Variants in IL15 observed in about 807,000 individuals in gnomAD.
The protein encoded by IL15 is interleukin 15, also known as interleukin-15.
In IL15, 11 loss-of-function variants were observed where a neutral mutation model predicts 19.6. The observed-to-expected ratio is 0.56, with a 90% CI of 0.35 to 0.93. IL15 has a LOEUF of 0.93. Among genes scored for constraint, IL15 ranks in the 40% least tolerant of loss-of-function variants. The pLI, the probability that IL15 is intolerant of heterozygous loss-of-function variation, is 0.01. For missense variants in IL15, 197 were observed against 186.5 expected, an observed-to-expected ratio of 1.06 and a Z score of -0.33; for synonymous variants, 58 against 59.6, an observed-to-expected ratio of 0.97 and a Z score of 0.12.
In IL15 at chr4:141,719,451, C is replaced by A; in HGVS notation, c.-14C>A. 2 of 901,568 alleles carry A rather than the reference C, an allele frequency of 2.2e-6. No individual in the cohort carries two copies. The highest frequency in any genetic ancestry group is 1.8e-5 in the Admixed American group (1 of 56,940). The allele number at this position is 901,568 out of a possible 1,614,324, so 55.8% of individuals were successfully genotyped here. On this transcript the variant is annotated 5_prime_UTR_variant, in exon 3 of 8. Transcript: ENST00000320650. Reference sequence around the variant, plus strand: ...TCTTCTTCAATACTTAAGGATTTACCGTGGCTTTGAGTAATGAGAATTTCG... The same window carrying A: ...TCTTCTTCAATACTTAAGGATTTACAGTGGCTTTGAGTAATGAGAATTTCG...
At chr4:141,670,169 C>A (rs917929027) in intron 2 of IL15, among the ~76,000 whole-genome samples, 1 of 151,650 alleles carries the variant, frequency 6.6e-6, no homozygotes, top group Non-Finnish European at 1.5e-5. Flanking sequence ...CAGAAAATTT[C>A]TAATTTCATA....
chr4:141,672,130 A>G (rs1728195399), intron 2 of IL15, among the ~76,000 whole-genome samples: 1 of 152,212 alleles, frequency 6.6e-6, no homozygotes, highest in Admixed American at 6.5e-5. Flanking sequence ...GTTGTTTGTA[A>G]TCAAAGAAAT....
chr4:141,704,256 A>C (rs1729433514), intron 2 of IL15, among the ~76,000 whole-genome samples: 1 of 152,178 alleles, frequency 6.6e-6, no homozygotes, highest in South Asian at 2.1e-4. Flanking sequence ...CTTCACATGA[A>C]GGAATGTTGA....
At chr4:141,690,464 C>T (rs1369194703) in intron 2 of IL15, among the ~76,000 whole-genome samples, 1 of 152,226 alleles carries the variant, frequency 6.6e-6, no homozygotes, top group Non-Finnish European at 1.5e-5. Flanking sequence ...TATTAGTCAT[C>T]CTAGATTCTT....
intron 2 of IL15, among the ~76,000 whole-genome samples, chr4:141,680,076 G>A (rs1728483203): frequency 6.6e-6 from 1 of 152,138 alleles, no homozygotes; most frequent in Non-Finnish European, 1.5e-5. Flanking sequence ...CTATATATTT[G>A]CAATGATGCT....
intron 2 of IL15, among the ~76,000 whole-genome samples, chr4:141,666,101 T>TTTATTTA (rs1727967828): frequency 6.7e-6 from 1 of 149,412 alleles, no homozygotes; most frequent in Non-Finnish European, 1.5e-5. Context: ...TATTTATTTA[T>TTTATTTA]TTATTTATTT....
chr4:141,697,860 C>T (rs991799406), intron 2 of IL15, among the ~76,000 whole-genome samples: 4 of 151,926 alleles, frequency 2.6e-5, no homozygotes, highest in African/African-American at 7.3e-5. Context: ...CTGGTCAGGA[C>T]TTCCAGTACT....
At chr4:141,662,866 A>G (rs994403801) in intron 2 of IL15, among the ~76,000 whole-genome samples, 5 of 152,212 alleles carry the variant, frequency 3.3e-5, no homozygotes, top group Admixed American at 3.3e-4. Context: ...CTTAAAGAAG[A>G]ATAAAAACTT....
At chr4:141,667,802 T>A (rs894201562) in intron 2 of IL15, among the ~76,000 whole-genome samples, 1 of 152,240 alleles carries the variant, frequency 6.6e-6, no homozygotes, top group East Asian at 1.9e-4. Context: ...CTAATGTATA[T>A]AATACTTTGA....
intron 2 of IL15, among the ~76,000 whole-genome samples, chr4:141,678,703 G>A (rs1269956251): frequency 6.6e-6 from 1 of 151,186 alleles, no homozygotes; most frequent in Non-Finnish European, 1.5e-5. Context: ...CTGGGTTCAA[G>A]TGATTCTCCT....
At chr4:141,661,438 C>T (rs1185798290) in intron 2 of IL15, among the ~76,000 whole-genome samples, 1 of 151,926 alleles carries the variant, frequency 6.6e-6, no homozygotes, top group Admixed American at 6.6e-5. Flanking sequence ...GGGTTGTATC[C>T]CTTGGTGGCA....
rs570687728 is a variant in IL15, at chr4:141,656,328, T to G, written c.-100+21T>G. The G allele has an allele frequency of 6.3e-5, 25 of 398,126 alleles. No homozygotes were observed. The Middle Eastern group carries it at 1.9e-3, about 30-fold the overall frequency. The allele number at this position is 398,126 out of a possible 1,614,324, so 24.7% of individuals were successfully genotyped here. On this transcript the variant is annotated intron_variant, in intron 2 of 7. Coordinates refer to ENST00000320650, the MANE Select transcript of IL15 (RefSeq NM_000585.5). ...ATCGTGTAAGTAAAGTTTTAAAAGTTTTATCATGCAATACAGATACTTTTA... is the reference window on the plus strand; with the variant it reads ...ATCGTGTAAGTAAAGTTTTAAAAGTGTTATCATGCAATACAGATACTTTTA...
At chr4:141,678,588 A>T (rs1728430061) in intron 2 of IL15, among the ~76,000 whole-genome samples, 1 of 148,492 alleles carries the variant, frequency 6.7e-6, no homozygotes, top group Non-Finnish European at 1.5e-5. Context: ...AAAAAAAGCA[A>T]ATGTGTGATT....
chr4:141,655,077 G>C (rs959841938), intron 1 of IL15, among the ~76,000 whole-genome samples: 9 of 152,154 alleles, frequency 5.9e-5, no homozygotes, highest in African/African-American at 1.7e-4. Flanking sequence ...TTGGGAATCA[G>C]ATGGGTCTAA....
chr4:141,691,971 G>T (rs72712415), intron 2 of IL15, among the ~76,000 whole-genome samples: 17,453 of 152,292 alleles, frequency 0.11, 1,112 homozygotes, highest in Non-Finnish European at 0.15. Flanking sequence ...TTCTCCAGGG[G>T]CTTTGCCCCT....
chr4:141,711,099 G>A (rs933509007), intron 2 of IL15, among the ~76,000 whole-genome samples: 2 of 152,066 alleles, frequency 1.3e-5, no homozygotes, highest in Admixed American at 1.3e-4. Flanking sequence ...AATTTCATGA[G>A]TGTATAGTGT....
chr4:141,725,731 T>A (rs1579055359), intron 5 of IL15, among the ~76,000 whole-genome samples: 1 of 152,332 alleles, frequency 6.6e-6, no homozygotes, highest in Middle Eastern at 3.4e-3. Flanking sequence ...AATGTTTTTC[T>A]GCTAGGACTG....
At position 141,732,492 on chromosome 4, in the gene IL15, T is replaced by C. The variant is rs139792973; in HGVS notation, c.379-246T>C. Among the ~76,000 whole-genome samples the C allele has an allele frequency of 2.9e-3, 440 of 152,296 alleles. 11 individuals carry two copies. Among genetic ancestry groups the C allele is most frequent in the East Asian group, 0.027 (142 of 5,166 alleles). The stretch of plus-strand genomic sequence containing the variant: ...CCATTGAAGGGCTCAAAGCAGGAAC[T>C]CCGTGGTCTGATAGACACAGCTTAT... On this transcript the variant is annotated intron_variant, in intron 7 of 7. Transcript: ENST00000320650.
chr4:141,718,297 T>C (rs1279852531), intron 2 of IL15: 1 of 151,912 alleles, frequency 6.6e-6, no homozygotes, highest in African/African-American at 2.4e-5. Context: ...AAAATGTGGA[T>C]TCAAGGATAC....
Sources: gnomAD v4.1 joint callset for allele counts (sites outside exome capture counted in the v4.1 genomes callset) on GRCh38, gnomAD v4.1.1 for gene constraint, MANE v1.5 for transcripts, NCBI Gene and HGNC (gene_info 2026-07-23, HGNC 2026-07-21) for gene names.